The following RFX2 variants were observed in gnomAD, a reference collection of about 807,000 sequenced individuals.
RFX2 encodes the protein regulatory factor X2, also known as DNA-binding protein RFX2.
A neutral mutation model predicts 87.8 loss-of-function variants in RFX2; 20 were observed. That is an observed-to-expected ratio of 0.23 (90% CI 0.16 to 0.33). The LOEUF is 0.33. Among genes scored for constraint, RFX2 ranks in the 10% least tolerant of loss-of-function variants. RFX2 has a pLI of 1.00. For missense variants in RFX2, 767 were observed against 1,012.3 expected (o/e 0.76, Z 3.29); for synonymous variants, 397 against 431.3 (o/e 0.92, Z 0.98).
chr19:6,048,866 G>C (rs2087232245), intron 1 of RFX2, among the ~76,000 whole-genome samples: 1 of 151,172 alleles, frequency 6.6e-6, no homozygotes, highest in South Asian at 2.1e-4. Context: ...GACCACCACC[G>C]CTCCCCGGCC....
chr19:6,069,939 A>C, intron 1 of RFX2, among the ~76,000 whole-genome samples: 1 of 150,288 alleles, frequency 6.7e-6, no homozygotes. Flanking sequence ...CCAGGAGGGA[A>C]CTGGGATAGG....
chr19:6,010,283 C>T lies in RFX2; in HGVS notation c.900-32G>A, dbSNP rs1397512897. 1 of 1,424,748 alleles carries T rather than the reference C, an allele frequency of 7.0e-7. No homozygotes were observed. Among genetic ancestry groups the T allele is most frequent in the East Asian group, 2.5e-5 (1 of 40,324 alleles). The allele number at this position is 1,424,748 out of a possible 1,614,324, so 88.3% of individuals were successfully genotyped here. A position where few individuals can be genotyped will look rare whatever the true frequency, so the allele number is the denominator to read the frequency against. On this transcript the variant is annotated intron_variant, in intron 8 of 17. Transcript: ENST00000303657. The surrounding 1 kb of genome is among the most constrained non-coding windows in gnomAD (Gnocchi z 5.0). ...CAGGAACACGCATACCATCATGAGG[C>T]CCAGCAGCCCTGCTGCGGGTGGGCC...
At chr19:6,098,737 C>T (rs2088065767) in intron 1 of RFX2, among the ~76,000 whole-genome samples, 1 of 151,822 alleles carries the variant, frequency 6.6e-6, no homozygotes, top group African/African-American at 2.4e-5. Context: ...GGTAGCAGAT[C>T]CACGTGTTGG....
chr19:6,058,365 G>GC (rs1310684611), intron 1 of RFX2, among the ~76,000 whole-genome samples: 1 of 152,188 alleles, frequency 6.6e-6, no homozygotes, highest in Non-Finnish European at 1.5e-5. Flanking sequence ...TGGACAAACA[G>GC]CCCCCGAGTA....
At chr19:6,107,023 C>T (rs191025823) in intron 1 of RFX2, among the ~76,000 whole-genome samples, 42 of 151,150 alleles carry the variant, frequency 2.8e-4, no homozygotes, top group African/African-American at 9.7e-4. Context: ...CGGCCGGGCG[C>T]GGTGGCTCAC....
At chr19:6,052,789 T>C (rs1038298297) in intron 1 of RFX2, among the ~76,000 whole-genome samples, 5 of 152,094 alleles carry the variant, frequency 3.3e-5, no homozygotes, top group African/African-American at 9.7e-5. Flanking sequence ...TTCAAAATAA[T>C]CCATGGGTCA....
Position 5,996,948 on chromosome 19 carries a change from C to A in RFX2, c.2013+112G>T, listed in dbSNP as rs542324543. The A allele has an allele frequency of 7.1e-6, 8 of 1,124,450 alleles. No homozygotes were observed. The East Asian group carries it at 1.5e-4, about 21-fold the overall frequency. 69.7% of individuals were successfully genotyped at this position (1,124,450 alleles called of 1,614,324 possible). On this transcript the variant is annotated intron_variant, in intron 16 of 17. Transcript: ENST00000303657. ...TTATCGAGCTGCAGCTCTGTCCGGGCGGCAGAGCAGTGGGACCTGCGAGTG... is the reference window on the plus strand; with the variant it reads ...TTATCGAGCTGCAGCTCTGTCCGGGAGGCAGAGCAGTGGGACCTGCGAGTG...
At chr19:6,025,494 T>C (rs1230678321) in intron 6 of RFX2, among the ~76,000 whole-genome samples, 3 of 152,256 alleles carry the variant, frequency 2.0e-5, no homozygotes, top group Non-Finnish European at 2.9e-5. Context: ...CTCTCTTTTT[T>C]GTTGCTGTTG....
Position 6,023,637 on chromosome 19 carries a change from G to A in RFX2, c.597+2526C>T, listed in dbSNP as rs888514500. ...CGAATCATCAGTGAGTAAAAGAAAC[G>A]AGAGATTTTACCTTCAGCTCGGGAA... On this transcript the variant is annotated intron_variant, in intron 6 of 17. Transcript: ENST00000303657. The surrounding 1 kb of genome is among the most constrained non-coding windows in gnomAD (Gnocchi z 4.9). Among the ~76,000 whole-genome samples, 43 of 152,164 alleles carry A rather than the reference G, an allele frequency of 2.8e-4. No homozygotes were observed. Among genetic ancestry groups the A allele is most frequent in the Admixed American group, 1.5e-3 (23 of 15,280 alleles).
Position 5,994,968 on chromosome 19 carries a change from G to A in RFX2, c.2057-18C>T, listed in dbSNP as rs952030241. On this transcript the variant is annotated intron_variant, in intron 17 of 17. Transcript: ENST00000303657. ...CATGTCATCTGCGGAGGGAGGGGTA[G>A]GGTCAGTGTCCATCATCAGGAGGGC... 4 of 1,583,402 alleles carry A rather than the reference G, an allele frequency of 2.5e-6. No homozygotes were observed. The highest frequency in any genetic ancestry group is 8.6e-7 in the Non-Finnish European group (1 of 1,162,078).
intron 1 of RFX2, among the ~76,000 whole-genome samples, chr19:6,055,938 G>C (rs1486938505): frequency 6.6e-6 from 1 of 152,058 alleles, no homozygotes; most frequent in Non-Finnish European, 1.5e-5. Context: ...TCATTACGCT[G>C]AGTGAAAGAA....
chr19:6,016,074 G>A lies in RFX2; in HGVS notation c.779+16C>T. On this transcript the variant is annotated intron_variant, in intron 7 of 17. Transcript: ENST00000303657. The surrounding 1 kb of genome is among the most constrained non-coding windows in gnomAD (Gnocchi z 5.4). The stretch of plus-strand genomic sequence containing the variant: ...AGGAAGAGGAAGAACAGGTGGGCTG[G>A]GGATCGTCTACCCACCTGGTGCCCA... 1.9e-6 allele frequency: 3 copies of A among 1,575,870 alleles called. No homozygotes were observed. The highest frequency in any genetic ancestry group is 2.6e-6 in the Non-Finnish European group (3 of 1,157,896).
At chr19:6,046,013 T>C (rs2087185179) in intron 2 of RFX2, among the ~76,000 whole-genome samples, 1 of 152,124 alleles carries the variant, frequency 6.6e-6, no homozygotes, top group Non-Finnish European at 1.5e-5. Context: ...AAAACCATAA[T>C]CATTTCTTTT....
intron 12 of RFX2, among the ~76,000 whole-genome samples, chr19:6,005,975 C>A (rs189741948): frequency 8.5e-5 from 13 of 152,326 alleles, no homozygotes; most frequent in Non-Finnish European, 1.8e-4. Context: ...CAGGCTACTC[C>A]CAGAGGCCGG....
At chr19:6,030,358 G>T (rs919135900) in intron 5 of RFX2, among the ~76,000 whole-genome samples, 3 of 152,172 alleles carry the variant, frequency 2.0e-5, no homozygotes, top group Non-Finnish European at 2.9e-5. Context: ...TAATCAAAGT[G>T]CCAGAAAGCG....
At chr19:6,025,155 G>A (rs867647345) in intron 6 of RFX2, among the ~76,000 whole-genome samples, 8 of 152,170 alleles carry the variant, frequency 5.3e-5, no homozygotes, top group African/African-American at 1.9e-4. Context: ...ACCGAATCAA[G>A]AGCGTTTGGG....
intron 1 of RFX2, among the ~76,000 whole-genome samples, chr19:6,108,704 T>TG (rs1348595556): frequency 1.3e-5 from 2 of 151,996 alleles, no homozygotes; most frequent in African/African-American, 4.8e-5. Flanking sequence ...GAATGAAGCC[T>TG]GGGGGGGCGG....
In RFX2 at chr19:6,010,256, G is replaced by A; in HGVS notation, c.900-5C>T. On this transcript the variant is annotated splice_polypyrimidine_tract_variant and splice_region_variant and intron_variant, in intron 8 of 17. Coordinates refer to ENST00000303657, the MANE Select transcript of RFX2 (RefSeq NM_000635.4). This position sits in a 1 kb window ranked among gnomAD's most constrained non-coding sequence, Gnocchi z 5.0. ...GTCTTCTGGGCTGGCCGGTACCTAG[G>A]CCAGGAACACGCATACCATCATGAG... The A allele has an allele frequency of 6.5e-7, 1 of 1,540,066 alleles. No homozygotes were observed. Among genetic ancestry groups the A allele is most frequent in the Non-Finnish European group, 8.8e-7 (1 of 1,141,296 alleles).
At chr19:6,008,497 C>T (rs116117022) in intron 9 of RFX2, among the ~76,000 whole-genome samples, 25 of 150,082 alleles carry the variant, frequency 1.7e-4, no homozygotes, top group African/African-American at 5.6e-4. Flanking sequence ...TTCAACCGCC[C>T]GAGTAACTGG....
Sources: allele counts gnomAD v4.1 joint callset (sites outside exome capture counted in the v4.1 genomes callset), GRCh38; gene constraint gnomAD v4.1.1; non-coding constraint Gnocchi (gnomAD v3.1); transcripts MANE v1.5; gene names NCBI Gene and HGNC (gene_info 2026-07-23, HGNC 2026-07-21).